The following ANXA10 variants were observed in gnomAD, a reference collection of about 807,000 sequenced individuals.
ANXA10 encodes the protein annexin 14.
Under a neutral mutation model 53.5 loss-of-function variants are expected in ANXA10, and 49 were observed. The observed-to-expected ratio is 0.92, with a 90% CI of 0.73 to 1.16. The LOEUF (loss-of-function observed/expected upper bound fraction) is 1.16. Ranked by LOEUF, ANXA10 falls within the 50% of genes most tolerant of loss-of-function variation. The pLI is 0.00. For missense variants in ANXA10, 393 were observed against 394.4 expected, an observed-to-expected ratio of 1.00 and a Z score of 0.03; for synonymous variants, 131 against 128.9, an observed-to-expected ratio of 1.02 and a Z score of -0.11.
Position 168,179,894 on chromosome 4 carries a change from T to C in ANXA10, c.724+582T>C, listed in dbSNP as rs374658897. ...GGCGAGTTATCCAGAAAAACTGCAATAGAACTACCTGTGCAATAGAACTAC... is the reference window on the plus strand; with the variant it reads ...GGCGAGTTATCCAGAAAAACTGCAACAGAACTACCTGTGCAATAGAACTAC... On this transcript the variant is annotated intron_variant, in intron 9 of 11. Transcript: ENST00000359299. Among the ~76,000 whole-genome samples, 28 of 152,288 alleles carry C rather than the reference T, an allele frequency of 1.8e-4. 1 individual carries two copies. The East Asian group carries it at 4.2e-3, about 23-fold the overall frequency.
At chr4:168,144,655 A>G (rs147094690) in intron 3 of ANXA10, among the ~76,000 whole-genome samples, 331 of 152,350 alleles carry the variant, frequency 2.2e-3, no homozygotes, top group African/African-American at 7.6e-3. Context: ...TATGTCCCAC[A>G]CATAGTGTAC....
chr4:168,119,407 C>G (rs895645627), intron 1 of ANXA10, among the ~76,000 whole-genome samples: 1 of 152,104 alleles, frequency 6.6e-6, no homozygotes, highest in Admixed American at 6.5e-5. Flanking sequence ...TTTAGCACAC[C>G]TTCTCATATA....
At chr4:168,094,661 T>C (rs1364288595) in intron 1 of ANXA10, among the ~76,000 whole-genome samples, 2 of 152,116 alleles carry the variant, frequency 1.3e-5, no homozygotes, top group South Asian at 2.1e-4. Context: ...TCTGAACTTA[T>C]ACACTTGATA....
At chr4:168,156,103 A>ATATAT (rs1307573018) in intron 3 of ANXA10, among the ~76,000 whole-genome samples, 3 of 59,280 alleles carry the variant, frequency 5.1e-5, no homozygotes, top group African/African-American at 2.2e-4. Context: ...TATTATATAT[A>ATATAT]AATATTATAT....
chr4:168,126,309 T>G (rs1007032112), intron 1 of ANXA10, among the ~76,000 whole-genome samples: 2 of 152,228 alleles, frequency 1.3e-5, no homozygotes, highest in Non-Finnish European at 2.9e-5. Flanking sequence ...CTGTATTTAT[T>G]GAAAACATGC....
intron 1 of ANXA10, among the ~76,000 whole-genome samples, chr4:168,118,646 T>C (rs1213525351): frequency 6.6e-6 from 1 of 152,166 alleles, no homozygotes; most frequent in Non-Finnish European, 1.5e-5. Context: ...CCTTAGAAAA[T>C]ATACTCTGTA....
At chr4:168,132,433 A>C (rs1185181864) in intron 2 of ANXA10, among the ~76,000 whole-genome samples, 3 of 152,092 alleles carry the variant, frequency 2.0e-5, no homozygotes, top group African/African-American at 7.2e-5. Flanking sequence ...AAACAATTTA[A>C]CACATGGACA....
At chr4:168,182,349 G>A (rs1475842405) in intron 10 of ANXA10, among the ~76,000 whole-genome samples, 3 of 1,734 alleles carry the variant, frequency 1.7e-3, no homozygotes, top group South Asian at 0.038. Context: ...TTTTTTTTTT[G>A]AGATGGAGTC....
intron 5 of ANXA10, 142 bp downstream of exon 5, chr4:168,164,430 A>C (rs1277525958): frequency 4.7e-6 from 3 of 643,116 alleles, no homozygotes; most frequent in Non-Finnish European, 5.2e-6. Flanking sequence ...CAATTAACTC[A>C]TTAGGTAAAA....
At chr4:168,187,243 G>A in intron 11 of ANXA10, 123 bp from the exon 12 acceptor site, 2 of 512,324 alleles carry the variant, frequency 3.9e-6, no homozygotes, top group Non-Finnish European at 6.5e-6. Context: ...GATGAGAAAA[G>A]TAAATAAGTT....
At chr4:168,127,898 A>AT (rs1174547986) in intron 1 of ANXA10, 186 bp from the exon 2 acceptor site, 18 of 235,140 alleles carry the variant, frequency 7.7e-5, no homozygotes, top group Non-Finnish European at 1.3e-4. Context: ...AATTTTTTGT[A>AT]TTTTTTGTAG....
At chr4:168,145,481 A>G (rs1231917668) in intron 3 of ANXA10, among the ~76,000 whole-genome samples, 1 of 152,200 alleles carries the variant, frequency 6.6e-6, no homozygotes, top group East Asian at 1.9e-4. Flanking sequence ...TCGGCGTATG[A>G]CCAGGAATGA....
At chr4:168,100,626 G>A (rs374170156) in intron 1 of ANXA10, among the ~76,000 whole-genome samples, 2 of 151,982 alleles carry the variant, frequency 1.3e-5, no homozygotes, top group South Asian at 2.1e-4. Flanking sequence ...ATCTTAATTC[G>A]CAGTTGTAAT....
chr4:168,137,633 T>C (rs1349824619), intron 2 of ANXA10, among the ~76,000 whole-genome samples: 1 of 152,238 alleles, frequency 6.6e-6, no homozygotes, highest in East Asian at 1.9e-4. Flanking sequence ...CTGAGTAGTA[T>C]TCCATGGTTC....
Position 168,181,708 on chromosome 4 carries a change from C to T in ANXA10, c.750C>T (p.Ala250=), listed in dbSNP as rs765219843. The change falls in exon 10 of 12, where the codon GCC becomes GCT. Residue 250 remains alanine, a synonymous_variant. Transcript: ENST00000359299. ...TTCTCTGTGTTCGAGACAAACCAGC[C>T]TATTTTGCTTATAGATTATATAGTG... ...AIVLCVRDKP[A]YFAYRLYSAI... is the part of the protein sequence containing the mutation. 4.4e-6 allele frequency: 7 copies of T among 1,604,614 alleles called. No homozygotes were observed. Among genetic ancestry groups the T allele is most frequent in the Non-Finnish European group, 6.0e-6 (7 of 1,173,524 alleles).
chr4:168,120,625 C>A (rs1730969941), intron 1 of ANXA10, among the ~76,000 whole-genome samples: 1 of 151,874 alleles, frequency 6.6e-6, no homozygotes, highest in East Asian at 1.9e-4. Flanking sequence ...ACAACGTTGA[C>A]AGGGAGAAGA....
chr4:168,093,698 T>C (rs1465996352), intron 1 of ANXA10, among the ~76,000 whole-genome samples: 1 of 152,158 alleles, frequency 6.6e-6, no homozygotes, highest in Non-Finnish European at 1.5e-5. Context: ...AACAACTTTC[T>C]GGGAACTTTT....
In ANXA10 at chr4:168,159,274, T is replaced by A. The variant is rs72691184; in HGVS notation, c.196-3254T>A. Among the ~76,000 whole-genome samples the A allele has an allele frequency of 3.7e-3, 570 of 152,346 alleles. 1 individual carries two copies. Among genetic ancestry groups the A allele is most frequent in the Non-Finnish European group, 6.2e-3 (419 of 68,030 alleles). ...TGCTCGTTAGGTGTCATTCTTTTTC[T>A]GTGTTACTAGATGTGCTTTATAAAT... On this transcript the variant is annotated intron_variant, in intron 3 of 11. Transcript: ENST00000359299.
chr4:168,185,196 C>T (rs921171264), intron 11 of ANXA10, among the ~76,000 whole-genome samples: 6 of 152,084 alleles, frequency 3.9e-5, no homozygotes, highest in Non-Finnish European at 1.5e-5. Flanking sequence ...TTTACCTCAG[C>T]GACAGAACTT....
Sources: allele counts gnomAD v4.1 joint callset (sites outside exome capture counted in the v4.1 genomes callset), GRCh38; gene constraint gnomAD v4.1.1; transcripts MANE v1.5; gene names NCBI Gene and HGNC (gene_info 2026-07-23, HGNC 2026-07-21).